The following STAT3 variants were observed in gnomAD, a reference collection of about 807,000 sequenced individuals.
STAT3 encodes the protein DNA-binding protein APRF.
Under a neutral mutation model 114.3 loss-of-function variants are expected in STAT3, and 7 were observed. The observed-to-expected ratio is 0.06, with a 90% CI of 0.03 to 0.11. The LOEUF (loss-of-function observed/expected upper bound fraction) is 0.11. STAT3 is among the 10% of genes least tolerant of loss of function. The pLI is 1.00. For synonymous variants in STAT3, 331 were observed against 354.5 expected, an observed-to-expected ratio of 0.93 and a Z score of 0.74; for missense variants, 364 against 960.9, an observed-to-expected ratio of 0.38 and a Z score of 8.21.
At chr17:42,358,691 C>A (rs547078474) in intron 1 of STAT3, among the ~76,000 whole-genome samples, 3 of 152,262 alleles carry the variant, frequency 2.0e-5, no homozygotes, top group Admixed American at 1.3e-4. Flanking sequence ...CTGGATGGGC[C>A]TGGGTGCAAA....
Position 42,382,848 on chromosome 17 carries a change from G to A in STAT3, c.-24+5431C>T, listed in dbSNP as rs377659263. Among the ~76,000 whole-genome samples, 25 of 151,580 alleles carry A rather than the reference G, an allele frequency of 1.6e-4. No individual in the cohort carries two copies. The East Asian group carries it at 4.7e-3, about 28-fold the overall frequency. On this transcript the variant is annotated intron_variant, in intron 1 of 23. Transcript: ENST00000264657. The stretch of plus-strand genomic sequence containing the variant: ...TTTTTAGTAGAGGCGGAGTTTCACC[G>A]TGTTAGCCAGGATGGTCTCGATCTC...
intron 1 of STAT3, among the ~76,000 whole-genome samples, chr17:42,381,944 C>T (rs1226511435): frequency 1.3e-5 from 2 of 151,722 alleles, no homozygotes; most frequent in African/African-American, 4.8e-5. Context: ...ACATTTAAAC[C>T]CAATTATTAA....
chr17:42,335,383 G>T (rs1406279112), intron 8 of STAT3, among the ~76,000 whole-genome samples: 1 of 152,040 alleles, frequency 6.6e-6, no homozygotes, highest in Non-Finnish European at 1.5e-5. Context: ...GTAGGGATGG[G>T]ATCTCACTTT....
intron 1 of STAT3, among the ~76,000 whole-genome samples, chr17:42,351,607 C>T (rs980576671): frequency 6.6e-6 from 1 of 152,072 alleles, no homozygotes; most frequent in Non-Finnish European, 1.5e-5. Flanking sequence ...TTTACATGTG[C>T]AGCACAGCTC....
In STAT3 at chr17:42,353,380, AG is replaced by A. The variant is rs199637671; in HGVS notation, c.-23-4842del. Among the ~76,000 whole-genome samples, 98 of 151,162 alleles carry A rather than the reference AG, an allele frequency of 6.5e-4. 1 individual carries two copies. The highest frequency in any genetic ancestry group is 2.3e-3 in the African/African-American group (95 of 41,298). Reference sequence around the variant, plus strand: ...AAAAAAAGAAAGAAAGAAAGAAAGAAGAGAAAAGAAAAGAAAAGAAAAAGAA... The same window carrying A: ...AAAAAAAGAAAGAAAGAAAGAAAGAAAGAAAAGAAAAGAAAAGAAAAAGAA... On this transcript the variant is annotated intron_variant, in intron 1 of 23. Coordinates refer to ENST00000264657, the MANE Select transcript of STAT3 (RefSeq NM_139276.3).
intron 1 of STAT3, among the ~76,000 whole-genome samples, chr17:42,373,397 C>T (rs938291898): frequency 1.3e-5 from 2 of 150,812 alleles, no homozygotes. Context: ...ACTAAAATTA[C>T]AAAAACTAGC....
chr17:42,341,474 T>C (rs1363416069), intron 4 of STAT3, among the ~76,000 whole-genome samples: 1 of 152,208 alleles, frequency 6.6e-6, no homozygotes, highest in Non-Finnish European at 1.5e-5. Context: ...TCCTGAGAAA[T>C]CTTATTCAAC....
intron 1 of STAT3, among the ~76,000 whole-genome samples, chr17:42,365,761 T>C (rs2083755195): frequency 1.3e-5 from 2 of 151,602 alleles, no homozygotes; most frequent in Admixed American, 1.3e-4. Context: ...GTTGAAGTGA[T>C]TCTCCTGCCT....
chr17:42,368,584 C>G (rs1245869760), intron 1 of STAT3, among the ~76,000 whole-genome samples: 1 of 152,136 alleles, frequency 6.6e-6, no homozygotes, highest in South Asian at 2.1e-4. Context: ...CTCAGCCTCC[C>G]TGGTAGCTGG....
intron 1 of STAT3, among the ~76,000 whole-genome samples, chr17:42,364,895 T>C (rs1241502954): frequency 1.3e-5 from 2 of 152,224 alleles, no homozygotes; most frequent in African/African-American, 4.8e-5. Context: ...TTCAGGTCAC[T>C]TTCCCTATAC....
intron 1 of STAT3, among the ~76,000 whole-genome samples, chr17:42,350,216 G>A (rs1473670676): frequency 6.6e-6 from 1 of 152,204 alleles, no homozygotes; most frequent in East Asian, 1.9e-4. Flanking sequence ...GATTCTCAGA[G>A]AAGGCACGAA....
At chr17:42,367,122 A>G (rs994987388) in intron 1 of STAT3, among the ~76,000 whole-genome samples, 2 of 152,110 alleles carry the variant, frequency 1.3e-5, no homozygotes, top group Non-Finnish European at 2.9e-5. Context: ...AGCCTGGGTG[A>G]CACAGCGAGA....
In STAT3 at chr17:42,329,269, T is replaced by G. The variant is rs549887066; in HGVS notation, c.1281+141A>C. The G allele has an allele frequency of 1.7e-5, 21 of 1,204,980 alleles. 1 individual carries two copies. In the Middle Eastern group the frequency reaches 1.1e-3, roughly 65 times the overall value. 74.6% of individuals were successfully genotyped at this position (1,204,980 alleles called of 1,614,324 possible). A position where few individuals can be genotyped will look rare whatever the true frequency, so the allele number is the denominator to read the frequency against. ...ACATGGAACTTCTGTTCATGTCACT[T>G]TGGCCTGAAGTGACTTTTTGGAATA... is the stretch of plus-strand genomic sequence containing the variant. On this transcript the variant is annotated intron_variant, in intron 14 of 23. Transcript: ENST00000264657.
intron 1 of STAT3, among the ~76,000 whole-genome samples, chr17:42,374,938 G>A (rs1300727123): frequency 1.3e-5 from 2 of 152,104 alleles, no homozygotes; most frequent in Admixed American, 6.6e-5. Context: ...CTTTATATAC[G>A]TTACATGTAA....
At position 42,324,620 on chromosome 17, in the gene STAT3, G is replaced by A. The variant is rs2081622752; in HGVS notation, c.1600+91C>T. The stretch of plus-strand genomic sequence containing the variant: ...GCTCAGGAAAGAAACATGGCCTAAT[G>A]CTCAGTAGACATGGCCCAAATGAAC... On this transcript the variant is annotated intron_variant, in intron 17 of 23. Coordinates refer to ENST00000264657, the MANE Select transcript of STAT3 (RefSeq NM_139276.3). The surrounding 1 kb of genome is among the most constrained non-coding windows in gnomAD (Gnocchi z 4.5). 3 of 1,492,158 alleles carry A rather than the reference G, an allele frequency of 2.0e-6. No homozygotes were observed. Among genetic ancestry groups the A allele is most frequent in the Admixed American group, 2.2e-5 (1 of 45,520 alleles). The allele number at this position is 1,492,158 out of a possible 1,614,324, so 92.4% of individuals were successfully genotyped here.
chr17:42,358,812 A>C (rs146704725), intron 1 of STAT3, among the ~76,000 whole-genome samples: 120 of 152,272 alleles, frequency 7.9e-4, no homozygotes, highest in South Asian at 1.5e-3. Flanking sequence ...GAACTGTTGT[A>C]AAGTTAAAAT....
chr17:42,335,299 GTTTTT>G (rs1189977025), intron 8 of STAT3, among the ~76,000 whole-genome samples: 9 of 152,022 alleles, frequency 5.9e-5, no homozygotes, highest in African/African-American at 1.7e-4. Flanking sequence ...GTTTAGTTTA[GTTTTT>G]TGAGATGGAG....
At chr17:42,386,751 G>A (rs1174646943) in intron 1 of STAT3, among the ~76,000 whole-genome samples, 1 of 152,122 alleles carries the variant, frequency 6.6e-6, no homozygotes, top group African/African-American at 2.4e-5. Flanking sequence ...AAAAACAAAA[G>A]ATTCATGAAT....
chr17:42,368,699 C>A (rs1225974536), intron 1 of STAT3, among the ~76,000 whole-genome samples: 3 of 149,540 alleles, frequency 2.0e-5, no homozygotes, highest in Non-Finnish European at 3.0e-5. Context: ...GCCTCAAGTG[C>A]TCTGCCTGCC....
Sources: allele counts gnomAD v4.1 joint callset (sites outside exome capture counted in the v4.1 genomes callset), GRCh38; gene constraint gnomAD v4.1.1; non-coding constraint Gnocchi (gnomAD v3.1); transcripts MANE v1.5; gene names NCBI Gene and HGNC (gene_info 2026-07-23, HGNC 2026-07-21).